PDGFD: variants seen among roughly 807,000 people sequenced by gnomAD.
PDGFD encodes platelet-derived growth factor D.
PDGFD carries 30 observed loss-of-function variants against 44.7 expected under a neutral mutation model. The ratio of observed to expected loss-of-function variants is 0.67; its 90% confidence interval spans 0.50 to 0.91. PDGFD has a LOEUF of 0.91. Among genes scored for constraint, PDGFD ranks in the 40% least tolerant of loss-of-function variants. The pLI, the probability that PDGFD is intolerant of heterozygous loss-of-function variation, is 0.00. For synonymous variants in PDGFD, 173 were observed against 168.4 expected (o/e 1.03, Z -0.21); for missense variants, 445 against 457.8 (o/e 0.97, Z 0.25).
At chr11:104,106,239 C>T (rs1401181160) in intron 1 of PDGFD, among the ~76,000 whole-genome samples, 1 of 152,180 alleles carries the variant, frequency 6.6e-6, no homozygotes, top group Non-Finnish European at 1.5e-5. Context: ...ATTTTCAGCA[C>T]TCTGGCAGTA....
At chr11:104,000,785 C>CA (rs1733814962) in intron 1 of PDGFD, among the ~76,000 whole-genome samples, 1 of 152,118 alleles carries the variant, frequency 6.6e-6, no homozygotes, top group African/African-American at 2.4e-5. Flanking sequence ...CCTTCCACCA[C>CA]GAAAAATCAT....
chr11:104,155,784 T>C (rs1195597013), intron 1 of PDGFD, among the ~76,000 whole-genome samples: 2 of 152,230 alleles, frequency 1.3e-5, no homozygotes, highest in African/African-American at 2.4e-5. Context: ...AGGTGGTTGC[T>C]ACATTGCTTA....
At chr11:104,105,459 T>A (rs915504465) in intron 1 of PDGFD, among the ~76,000 whole-genome samples, 3 of 152,004 alleles carry the variant, frequency 2.0e-5, no homozygotes, top group Non-Finnish European at 2.9e-5. Context: ...GAAAAAAAAA[T>A]AAACCATGTT....
intron 1 of PDGFD, among the ~76,000 whole-genome samples, chr11:104,005,746 A>G (rs1476144756): frequency 1.3e-5 from 2 of 152,224 alleles, no homozygotes; most frequent in African/African-American, 4.8e-5. Context: ...CTCAGGCACA[A>G]AGCTTGTGGT....
intron 1 of PDGFD, among the ~76,000 whole-genome samples, chr11:104,149,062 G>C: frequency 6.6e-6 from 1 of 152,158 alleles, no homozygotes; most frequent in Non-Finnish European, 1.5e-5. Flanking sequence ...GACAATGATG[G>C]TTTAAAGTGG....
In PDGFD at chr11:104,123,590, A is replaced by G. The variant is rs540610527; in HGVS notation, c.124+40214T>C. 4.9e-4 allele frequency among the ~76,000 whole-genome samples: 74 copies of G among 152,182 alleles called. 3 individuals carry two copies. The South Asian group carries it at 0.015, about 31-fold the overall frequency. On this transcript the variant is annotated intron_variant, in intron 1 of 6. Coordinates refer to ENST00000393158, the MANE Select transcript of PDGFD (RefSeq NM_025208.5). ...GATGAGTCAATAATATCCTGAAGCC[A>G]TGAGTTTAGCCAATTAAATATGTTT...
At chr11:104,038,035 C>T (rs755145960) in intron 1 of PDGFD, 2 of 1,593,440 alleles carry the variant, frequency 1.3e-6, no homozygotes, top group Non-Finnish European at 1.7e-6. Context: ...AATATGTTAC[C>T]ACCTTGAGGG....
At chr11:103,993,390 A>C (rs1859489756) in intron 3 of PDGFD, among the ~76,000 whole-genome samples, 1 of 151,284 alleles carries the variant, frequency 6.6e-6, no homozygotes, top group South Asian at 2.1e-4. Flanking sequence ...AACTAATCTT[A>C]AGGCTCATAT....
chr11:104,025,871 A>G (rs1860035679), intron 1 of PDGFD, among the ~76,000 whole-genome samples: 1 of 152,186 alleles, frequency 6.6e-6, no homozygotes, highest in African/African-American at 2.4e-5. Context: ...TAGGAAGCAA[A>G]GGTAGCATCT....
intron 1 of PDGFD, among the ~76,000 whole-genome samples, chr11:104,142,688 C>A (rs541123179): frequency 1.3e-5 from 2 of 152,252 alleles, no homozygotes; most frequent in Admixed American, 1.3e-4. Context: ...AAACCGAAGG[C>A]CCTAATAATT....
intron 6 of PDGFD, among the ~76,000 whole-genome samples, chr11:103,917,479 G>A (rs114813134): frequency 0.017 from 2,618 of 152,076 alleles, 79 homozygotes; most frequent in African/African-American, 0.06. Flanking sequence ...CTTAGATCCC[G>A]GTTAGCCTTT....
In PDGFD at chr11:104,122,935, C is replaced by T. The variant is rs76243001; in HGVS notation, c.124+40869G>A. 8.5e-3 allele frequency among the ~76,000 whole-genome samples: 1,294 copies of T among 152,046 alleles called. 14 individuals carry two copies. Among genetic ancestry groups the T allele is most frequent in the African/African-American group, 0.028 (1,177 of 41,524 alleles). On this transcript the variant is annotated intron_variant, in intron 1 of 6. Coordinates refer to ENST00000393158, the MANE Select transcript of PDGFD (RefSeq NM_025208.5). ...TTACTAGGTCCTAGACATGTAAGGACGAGGATTATTGATGGAGGACCCTGG... is the reference window on the plus strand; with the variant it reads ...TTACTAGGTCCTAGACATGTAAGGATGAGGATTATTGATGGAGGACCCTGG...
chr11:104,029,735 T>C (rs903991366), intron 1 of PDGFD, among the ~76,000 whole-genome samples: 2 of 152,198 alleles, frequency 1.3e-5, no homozygotes, highest in Admixed American at 1.3e-4. Flanking sequence ...ATCTTTCCTG[T>C]TTGGGTGGAC....
chr11:103,984,827 AT>A (rs1859329504), intron 3 of PDGFD, among the ~76,000 whole-genome samples: 1 of 143,150 alleles, frequency 7.0e-6, no homozygotes, highest in African/African-American at 2.6e-5. Flanking sequence ...TATTTAATAT[AT>A]AATATATTAA....
At chr11:104,147,850 C>T (rs10895591) in intron 1 of PDGFD, among the ~76,000 whole-genome samples, 31,583 of 151,968 alleles carry the variant, frequency 0.21, 3,344 homozygotes, top group East Asian at 0.27. Context: ...AAACATATGG[C>T]GGGGTTCTCT....
In PDGFD at chr11:103,927,186, T is replaced by A. The variant is rs373207886; in HGVS notation, c.773-60A>T. 2.1e-5 allele frequency: 31 copies of A among 1,471,730 alleles called. No homozygotes were observed. The East Asian group carries it at 2.5e-4, about 12-fold the overall frequency. 91.2% of individuals were successfully genotyped at this position (1,471,730 alleles called of 1,614,324 possible). On this transcript the variant is annotated intron_variant, in intron 5 of 6. Transcript: ENST00000393158. ...CAACAGTAAGCACAATTGCTCAGCA[T>A]GTGTTTTGGGGAATAGAGTGGGAAG...
rs561990478 is a variant in PDGFD, at chr11:103,940,089, C to T, written c.772+3363G>A. On this transcript the variant is annotated intron_variant, in intron 5 of 6. Coordinates refer to ENST00000393158, the MANE Select transcript of PDGFD (RefSeq NM_025208.5). ...TCTCTCTTTCCTCACCAAAACTTTA[C>T]TGTTCTTTTGCATTCGCCATTTTCA... Among the ~76,000 whole-genome samples, 8 of 152,130 alleles carry T rather than the reference C, an allele frequency of 5.3e-5. No individual in the cohort carries two copies. In the East Asian group the frequency reaches 1.4e-3, roughly 26 times the overall value.
intron 1 of PDGFD, among the ~76,000 whole-genome samples, chr11:104,077,673 T>C (rs968255153): frequency 3.3e-5 from 5 of 152,170 alleles, no homozygotes; most frequent in Non-Finnish European, 4.4e-5. Context: ...TTTTTACTTC[T>C]CTGTAACTGA....
At chr11:104,037,547 C>T (rs115980066) in intron 1 of PDGFD, 19 of 1,613,952 alleles carry the variant, frequency 1.2e-5, no homozygotes, top group East Asian at 2.2e-5. Flanking sequence ...GGACAAGTGA[C>T]GATGCTCTAC....
Sources: gnomAD v4.1 joint callset for allele counts (sites outside exome capture counted in the v4.1 genomes callset) on GRCh38, gnomAD v4.1.1 for gene constraint, MANE v1.5 for transcripts, NCBI Gene and HGNC (gene_info 2026-07-23, HGNC 2026-07-21) for gene names.